The following THSD7B variants were observed in gnomAD, a reference collection of about 807,000 sequenced individuals.
THSD7B encodes the protein thrombospondin type-1 domain-containing protein 7B.
A neutral mutation model predicts 213.6 loss-of-function variants in THSD7B; 138 were observed. That is an observed-to-expected ratio of 0.65 (90% CI 0.56 to 0.74). The LOEUF is 0.74. Ranked by LOEUF, THSD7B falls within the 30% of genes least tolerant of loss-of-function variation. The probability of loss-of-function intolerance (pLI) is 0.00; values close to 1 mark genes in which losing one functional copy is unlikely to be tolerated. For missense variants in THSD7B, 1,931 were observed against 1,991.5 expected (o/e 0.97, Z 0.58); for synonymous variants, 742 against 687.0 (o/e 1.08, Z -1.25).
intron 12 of THSD7B, among the ~76,000 whole-genome samples, chr2:137,343,838 A>G (rs1051630973): frequency 1.3e-5 from 2 of 151,816 alleles, no homozygotes; most frequent in African/African-American, 2.4e-5. Context: ...AATTTAACGA[A>G]TGCATAACTT....
At chr2:136,901,432 A>T (rs1421875829) in intron 2 of THSD7B, among the ~76,000 whole-genome samples, 1 of 152,230 alleles carries the variant, frequency 6.6e-6, no homozygotes, top group East Asian at 1.9e-4. Flanking sequence ...CCAATTTTTT[A>T]AAAGCTCTAG....
chr2:137,150,167 G>T (rs1025140390), intron 5 of THSD7B, among the ~76,000 whole-genome samples: 1 of 151,716 alleles, frequency 6.6e-6, no homozygotes, highest in Non-Finnish European at 1.5e-5. Context: ...ATTTGAACCC[G>T]GGAGGCAGAG....
Position 137,572,486 on chromosome 2 carries a change from A to T in THSD7B, c.3353A>T (p.Gln1118Leu). ...CAGGATGAAATTCCCCCAGAAACCCAGTCCTGTTCTCTTATGTGTCCCAAT... is the reference window on the plus strand; with the variant it reads ...CAGGATGAAATTCCCCCAGAAACCCTGTCCTGTTCTCTTATGTGTCCCAAT... ...CNQDEIPPETQSCSLMCPNEC... is the reference protein window; with the variant it reads ...CNQDEIPPETLSCSLMCPNEC... Residue 1118 changes from glutamine to leucine, a missense_variant, in exon 17 of 28, where the codon CAG becomes CTG. Transcript: ENST00000409968. The T allele has an allele frequency of 1.9e-6, 3 of 1,613,956 alleles. No homozygotes were observed. The highest frequency in any genetic ancestry group is 2.5e-6 in the Non-Finnish European group (3 of 1,179,864).
At chr2:137,330,627 T>C (rs759016509) in intron 12 of THSD7B, among the ~76,000 whole-genome samples, 1 of 152,120 alleles carries the variant, frequency 6.6e-6, no homozygotes, top group Non-Finnish European at 1.5e-5. Flanking sequence ...TCTGGAGTTG[T>C]TCATTCCCCC....
chr2:137,635,044 C>T (rs1053183120), intron 20 of THSD7B, among the ~76,000 whole-genome samples: 1 of 151,982 alleles, frequency 6.6e-6, no homozygotes, highest in Admixed American at 6.6e-5. Context: ...ATAATAAGCT[C>T]AATATCAATG....
intron 14 of THSD7B, among the ~76,000 whole-genome samples, chr2:137,429,503 T>G (rs4954512): frequency 6.6e-6 from 1 of 152,010 alleles, no homozygotes; most frequent in Non-Finnish European, 1.5e-5. Flanking sequence ...ATTGGCACTA[T>G]GAATTTTGAT....
intron 15 of THSD7B, among the ~76,000 whole-genome samples, chr2:137,522,493 A>G (rs1680204030): frequency 6.6e-6 from 1 of 151,652 alleles, no homozygotes; most frequent in African/African-American, 2.4e-5. Context: ...TCTTGAATGA[A>G]TTGCTGGTGA....
chr2:137,282,749 A>G (rs1444603470), intron 12 of THSD7B, among the ~76,000 whole-genome samples: 5 of 151,942 alleles, frequency 3.3e-5, no homozygotes, highest in African/African-American at 1.2e-4. Flanking sequence ...GCTCTGTTTT[A>G]TTCCATTGGT....
intron 3 of THSD7B, among the ~76,000 whole-genome samples, chr2:137,060,197 A>G (rs572674481): frequency 6.6e-6 from 1 of 151,952 alleles, no homozygotes; most frequent in East Asian, 1.9e-4. Flanking sequence ...TGTTTTGTCT[A>G]TTTTTTAATT....
chr2:137,082,991 T>A (rs1364507395), intron 3 of THSD7B, among the ~76,000 whole-genome samples: 1 of 152,086 alleles, frequency 6.6e-6, no homozygotes, highest in African/African-American at 2.4e-5. Flanking sequence ...ATCTCTTTAT[T>A]CCACAGAAGC....
At chr2:137,447,621 T>G (rs1024709628) in intron 14 of THSD7B, among the ~76,000 whole-genome samples, 1 of 152,132 alleles carries the variant, frequency 6.6e-6, no homozygotes. Context: ...GGATTAGTCT[T>G]TTACGAGTGT....
chr2:136,941,704 TC>T (rs1558860973), intron 2 of THSD7B, among the ~76,000 whole-genome samples: 1 of 152,234 alleles, frequency 6.6e-6, no homozygotes, highest in African/African-American at 2.4e-5. Flanking sequence ...GATTTTTTTT[TC>T]TTGAAAATTT....
chr2:137,148,539 T>A (rs1359746860), intron 5 of THSD7B, among the ~76,000 whole-genome samples: 1 of 152,106 alleles, frequency 6.6e-6, no homozygotes, highest in Non-Finnish European at 1.5e-5. Context: ...GACAGGAAAA[T>A]GTAGGAAACT....
intron 3 of THSD7B, among the ~76,000 whole-genome samples, chr2:137,074,307 T>C (rs1687568161): frequency 6.6e-6 from 1 of 152,176 alleles, no homozygotes; most frequent in African/African-American, 2.4e-5. Flanking sequence ...AGTTAGCTCT[T>C]CTTGTTGAAT....
At chr2:136,864,327 T>A (rs1285383590) in intron 1 of THSD7B, among the ~76,000 whole-genome samples, 1 of 152,182 alleles carries the variant, frequency 6.6e-6, no homozygotes, top group African/African-American at 2.4e-5. Flanking sequence ...ATTCAAGTAG[T>A]CTGAATTACA....
intron 9 of THSD7B, among the ~76,000 whole-genome samples, chr2:137,235,154 C>T (rs1305169822): frequency 2.6e-5 from 4 of 152,114 alleles, no homozygotes; most frequent in African/African-American, 9.7e-5. Flanking sequence ...GACATGAGAA[C>T]TCCTTTTATC....
intron 1 of THSD7B, among the ~76,000 whole-genome samples, chr2:136,780,130 G>C (rs1191873177): frequency 6.6e-6 from 1 of 152,052 alleles, no homozygotes; most frequent in African/African-American, 2.4e-5. Context: ...TATGAATTAT[G>C]GGTAATTCAT....
chr2:137,381,729 A>G (rs918062888), intron 12 of THSD7B, among the ~76,000 whole-genome samples: 2 of 152,072 alleles, frequency 1.3e-5, no homozygotes, highest in Non-Finnish European at 2.9e-5. Flanking sequence ...CCAATGAAGT[A>G]CTCTTAACTT....
intron 2 of THSD7B, among the ~76,000 whole-genome samples, chr2:137,023,753 G>A (rs1268376141): frequency 6.6e-6 from 1 of 152,168 alleles, no homozygotes; most frequent in African/African-American, 2.4e-5. Context: ...GAGCATGGGA[G>A]ATGTGATGGC....
Sources: gnomAD v4.1 joint callset for allele counts (sites outside exome capture counted in the v4.1 genomes callset) on GRCh38, gnomAD v4.1.1 for gene constraint, MANE v1.5 for transcripts, NCBI Gene and HGNC (gene_info 2026-07-23, HGNC 2026-07-21) for gene names.